The following PPM1L variants were observed in gnomAD, a reference collection of about 807,000 sequenced individuals.
PPM1L encodes the protein protein phosphatase 1L.
In PPM1L, 13 loss-of-function variants were observed where a neutral mutation model predicts 31.4. The ratio of observed to expected loss-of-function variants is 0.41; its 90% CI spans 0.27 to 0.66. The LOEUF (loss-of-function observed/expected upper bound fraction) is 0.66. Ranked by LOEUF, PPM1L falls within the 30% of genes least tolerant of loss-of-function variation. The probability of loss-of-function intolerance (pLI) is 0.29; values close to 1 mark genes in which losing one functional copy is unlikely to be tolerated. For synonymous variants in PPM1L, 184 were observed against 175.4 expected (o/e 1.05, Z -0.39); for missense variants, 326 against 453.7 (o/e 0.72, Z 2.56).
intron 2 of PPM1L, among the ~76,000 whole-genome samples, chr3:161,047,608 A>T (rs1354976758): frequency 2.0e-5 from 3 of 152,236 alleles, no homozygotes; most frequent in African/African-American, 7.2e-5. Flanking sequence ...TATGTAACCA[A>T]AAAAGAGCCC....
intron 2 of PPM1L, among the ~76,000 whole-genome samples, chr3:160,988,024 G>T (rs942361069): frequency 1.3e-5 from 2 of 152,108 alleles, no homozygotes; most frequent in African/African-American, 4.8e-5. Context: ...AAGAGTTAAC[G>T]ATTGAGAAGG....
intron 2 of PPM1L, among the ~76,000 whole-genome samples, chr3:161,053,152 T>G (rs1008405819): frequency 6.6e-6 from 1 of 152,216 alleles, no homozygotes; most frequent in Non-Finnish European, 1.5e-5. Context: ...TGAAATTAAT[T>G]TTATTTACCA....
chr3:160,826,079 G>A (rs1440533736), intron 1 of PPM1L, among the ~76,000 whole-genome samples: 1 of 146,360 alleles, frequency 6.8e-6, no homozygotes, highest in Non-Finnish European at 1.5e-5. Context: ...TGCTGCAAGG[G>A]GATGCTAGTT....
At chr3:160,830,839 A>G (rs1713504733) in intron 1 of PPM1L, among the ~76,000 whole-genome samples, 1 of 152,228 alleles carries the variant, frequency 6.6e-6, no homozygotes, top group East Asian at 1.9e-4. Context: ...CTTCGCATGA[A>G]TAAGATTACA....
At chr3:160,828,553 G>T (rs985313995) in intron 1 of PPM1L, among the ~76,000 whole-genome samples, 1 of 152,144 alleles carries the variant, frequency 6.6e-6, no homozygotes, top group Admixed American at 6.6e-5. Context: ...AGTGGAGGTT[G>T]ATAATGTTAG....
At chr3:160,786,675 T>A (rs1314796269) in intron 1 of PPM1L, among the ~76,000 whole-genome samples, 2 of 151,856 alleles carry the variant, frequency 1.3e-5, no homozygotes, top group Non-Finnish European at 2.9e-5. Flanking sequence ...GGGGTTGGTG[T>A]ATGGATTATT....
intron 1 of PPM1L, among the ~76,000 whole-genome samples, chr3:160,950,104 A>C (rs1432454532): frequency 6.6e-6 from 1 of 152,108 alleles, no homozygotes; most frequent in Non-Finnish European, 1.5e-5. Context: ...TAAATTTCAG[A>C]GTAGAGAACA....
intron 1 of PPM1L, among the ~76,000 whole-genome samples, chr3:160,831,001 C>G (rs1269224799): frequency 1.1e-4 from 16 of 152,144 alleles, no homozygotes; most frequent in Non-Finnish European, 2.9e-5. Flanking sequence ...TGAACAGTAC[C>G]AACTGCAATC....
chr3:161,028,460 G>A (rs1053548334), intron 2 of PPM1L, among the ~76,000 whole-genome samples: 39 of 152,060 alleles, frequency 2.6e-4, no homozygotes, highest in African/African-American at 7.7e-4. Context: ...AAAAGAAAGC[G>A]GGCCAAGGGC....
At chr3:160,936,904 C>T (rs1714989971) in intron 1 of PPM1L, among the ~76,000 whole-genome samples, 1 of 152,134 alleles carries the variant, frequency 6.6e-6, no homozygotes, top group Non-Finnish European at 1.5e-5. Flanking sequence ...GAATGAATTT[C>T]ACTTGAAAAA....
At chr3:161,019,950 C>T (rs1718193420) in intron 2 of PPM1L, among the ~76,000 whole-genome samples, 1 of 151,950 alleles carries the variant, frequency 6.6e-6, no homozygotes, top group Non-Finnish European at 1.5e-5. Flanking sequence ...TGGTGAAAAA[C>T]CCCCTCTCTA....
chr3:161,026,434 G>A (rs945205546), intron 2 of PPM1L, among the ~76,000 whole-genome samples: 1 of 152,186 alleles, frequency 6.6e-6, no homozygotes, highest in Non-Finnish European at 1.5e-5. Context: ...GGTGGCTCAC[G>A]CCTGTAATCC....
chr3:160,984,300 T>C (rs1189208702), intron 2 of PPM1L, among the ~76,000 whole-genome samples: 2 of 152,204 alleles, frequency 1.3e-5, no homozygotes, highest in Admixed American at 6.5e-5. Context: ...AATTCAGCGA[T>C]ACTTCTCTTA....
chr3:161,043,033 AATTG>A (rs1329363121), intron 2 of PPM1L, among the ~76,000 whole-genome samples: 1 of 133,476 alleles, frequency 7.5e-6, no homozygotes, highest in Non-Finnish European at 1.6e-5. Flanking sequence ...AAAAAAAAAA[AATTG>A]TTATTTTTTT....
At chr3:160,921,110 C>T (rs1284147339) in intron 1 of PPM1L, among the ~76,000 whole-genome samples, 1 of 152,156 alleles carries the variant, frequency 6.6e-6, no homozygotes, top group African/African-American at 2.4e-5. Context: ...CTGCTTTTCA[C>T]TATAGTATGT....
chr3:161,014,547 T>C (rs796154365), intron 2 of PPM1L, among the ~76,000 whole-genome samples: 3 of 150,148 alleles, frequency 2.0e-5, no homozygotes, highest in African/African-American at 7.4e-5. Context: ...CGATCTCAGC[T>C]CACTGCAACA....
intron 1 of PPM1L, among the ~76,000 whole-genome samples, chr3:160,760,780 C>T (rs1714950395): frequency 6.6e-6 from 1 of 151,126 alleles, no homozygotes; most frequent in African/African-American, 2.4e-5. Context: ...GCACCTCTAT[C>T]AATGTTCATG....
intron 1 of PPM1L, among the ~76,000 whole-genome samples, chr3:160,937,175 A>C (rs1322038356): frequency 1.3e-5 from 2 of 152,232 alleles, no homozygotes; most frequent in African/African-American, 4.8e-5. Flanking sequence ...ATAGTCTTAC[A>C]CAATTAAAAG....
intron 1 of PPM1L, among the ~76,000 whole-genome samples, chr3:160,934,950 C>G (rs1452408348): frequency 6.9e-6 from 1 of 145,088 alleles, no homozygotes; most frequent in Non-Finnish European, 1.5e-5. Flanking sequence ...CACTCTGTCT[C>G]AAAAAAAAAA....
Sources: gnomAD v4.1 joint callset for allele counts (sites outside exome capture counted in the v4.1 genomes callset) on GRCh38, gnomAD v4.1.1 for gene constraint, MANE v1.5 for transcripts, NCBI Gene and HGNC (gene_info 2026-07-23, HGNC 2026-07-21) for gene names.